CDH13: variants seen among roughly 807,000 people sequenced by gnomAD.
CDH13 encodes the protein cadherin-13.
A neutral mutation model predicts 63.8 loss-of-function variants in CDH13; 24 were observed. The ratio of observed to expected loss-of-function variants is 0.38; its 90% CI spans 0.27 to 0.53. The LOEUF (loss-of-function observed/expected upper bound fraction) is 0.53, where lower values mean the gene tolerates loss of function less well. Ranked by LOEUF, CDH13 falls within the 20% of genes least tolerant of loss-of-function variation. The pLI, the probability that CDH13 is intolerant of heterozygous loss-of-function variation, is 0.85. For synonymous variants in CDH13, 503 were observed against 355.3 expected (o/e 1.42, Z -4.67); for missense variants, 1,049 against 903.1 (o/e 1.16, Z -2.07).
At chr16:83,588,890 G>A (rs565485404) in intron 7 of CDH13, among the ~76,000 whole-genome samples, 1 of 152,346 alleles carries the variant, frequency 6.6e-6, no homozygotes, top group South Asian at 2.1e-4. Context: ...CGTGGAGCCA[G>A]GAGGCTGCTG....
rs143000919 is a variant in CDH13, at chr16:83,399,882, T to A, written c.781+54876T>A. On this transcript the variant is annotated intron_variant, in intron 6 of 13. Coordinates refer to ENST00000567109, the MANE Select transcript of CDH13 (RefSeq NM_001257.5). ...AGAGTGAAGAAACAAAAGGAGGTTG[T>A]ACCCAACTCATTCTAATATGCTCTC... is the stretch of plus-strand genomic sequence containing the variant. Among the ~76,000 whole-genome samples the A allele has an allele frequency of 9.6e-4, 147 of 152,336 alleles. No individual in the cohort carries two copies. In the Middle Eastern group the frequency reaches 0.01, roughly 11 times the overall value.
intron 2 of CDH13, among the ~76,000 whole-genome samples, chr16:82,916,066 G>A (rs928972030): frequency 6.6e-6 from 1 of 152,094 alleles, no homozygotes. Flanking sequence ...ATAAAGAGGA[G>A]GATGTTTAAA....
chr16:82,835,911 C>T (rs2038747217), intron 1 of CDH13, among the ~76,000 whole-genome samples: 1 of 152,166 alleles, frequency 6.6e-6, no homozygotes, highest in Non-Finnish European at 1.5e-5. Context: ...CCAACACCCC[C>T]AGGAGAAAAC....
chr16:82,863,546 C>G (rs1343451081), intron 2 of CDH13, among the ~76,000 whole-genome samples: 1 of 152,206 alleles, frequency 6.6e-6, no homozygotes, highest in Non-Finnish European at 1.5e-5. Context: ...TGAATTATCT[C>G]ATCTCCAAAA....
At chr16:82,640,800 T>C (rs966020419) in intron 1 of CDH13, among the ~76,000 whole-genome samples, 1 of 152,230 alleles carries the variant, frequency 6.6e-6, no homozygotes, top group African/African-American at 2.4e-5. Context: ...ATGCTAATAG[T>C]CAACTATGGA....
At position 82,669,766 on chromosome 16, in the gene CDH13, T is replaced by C. The variant is rs144900103; in HGVS notation, c.45+42629T>C. Among the ~76,000 whole-genome samples, 1,148 of 152,302 alleles carry C rather than the reference T, an allele frequency of 7.5e-3. 39 individuals are homozygous for C. The highest frequency in any genetic ancestry group is 0.062 in the Admixed American group (946 of 15,298). On this transcript the variant is annotated intron_variant, in intron 1 of 13. Transcript: ENST00000567109. ...TGGACGGAACCATTTGCTCCCCAGT[T>C]ATCACCCTCTCCAGTGAGATATACC...
At chr16:83,427,634 A>G (rs1196670916) in intron 6 of CDH13, among the ~76,000 whole-genome samples, 5 of 152,158 alleles carry the variant, frequency 3.3e-5, no homozygotes, top group Non-Finnish European at 7.4e-5. Context: ...CAGCACCACT[A>G]GATAACACAG....
chr16:83,483,422 G>C (rs911814505), intron 6 of CDH13, among the ~76,000 whole-genome samples: 1 of 151,368 alleles, frequency 6.6e-6, no homozygotes, highest in East Asian at 1.9e-4. Flanking sequence ...GATATCCTCA[G>C]TGAATTTCCT....
chr16:83,580,128 C>T (rs892939003), intron 7 of CDH13, among the ~76,000 whole-genome samples: 3 of 152,052 alleles, frequency 2.0e-5, no homozygotes, highest in Non-Finnish European at 4.4e-5. Flanking sequence ...ATGGTGCTGT[C>T]CACAGAGTTT....
chr16:83,645,881 A>G (rs186256516), intron 8 of CDH13, among the ~76,000 whole-genome samples: 316 of 152,338 alleles, frequency 2.1e-3, no homozygotes, highest in African/African-American at 7.3e-3. Context: ...ATACACAAGA[A>G]AAAGGGAGAC....
At chr16:83,193,988 G>A (rs2038801797) in intron 4 of CDH13, among the ~76,000 whole-genome samples, 1 of 152,196 alleles carries the variant, frequency 6.6e-6, no homozygotes, top group South Asian at 2.1e-4. Context: ...TACGAGGAGG[G>A]AAGAGTCCGA....
intron 2 of CDH13, among the ~76,000 whole-genome samples, chr16:82,897,013 C>T (rs1200479766): frequency 1.0e-5 from 1 of 96,992 alleles, no homozygotes; most frequent in Non-Finnish European, 2.4e-5. Context: ...AGTATCCTGA[C>T]CTCGTGATTT....
At chr16:82,730,480 ACGTTAGCCT>A (rs2033342922) in intron 1 of CDH13, among the ~76,000 whole-genome samples, 1 of 152,192 alleles carries the variant, frequency 6.6e-6, no homozygotes, top group African/African-American at 2.4e-5. Flanking sequence ...TTTACCTATT[ACGTTAGCCT>A]TCTTGTATGG....
At chr16:82,973,466 C>T (rs1411104986) in intron 2 of CDH13, among the ~76,000 whole-genome samples, 1 of 152,204 alleles carries the variant, frequency 6.6e-6, no homozygotes, top group African/African-American at 2.4e-5. Context: ...TTTAACAAAA[C>T]ACATATTAGG....
chr16:82,951,503 C>T (rs904945209), intron 2 of CDH13, among the ~76,000 whole-genome samples: 2 of 152,290 alleles, frequency 1.3e-5, no homozygotes, highest in African/African-American at 4.8e-5. Flanking sequence ...GTTGGGTACG[C>T]TGGCTTCATC....
At chr16:82,872,904 A>G (rs2040392489) in intron 2 of CDH13, among the ~76,000 whole-genome samples, 1 of 152,266 alleles carries the variant, frequency 6.6e-6, no homozygotes, top group Non-Finnish European at 1.5e-5. Context: ...CAGATAAAAA[A>G]TGTGCCTCCT....
At chr16:83,718,396 G>A (rs544695585) in intron 10 of CDH13, among the ~76,000 whole-genome samples, 1 of 152,284 alleles carries the variant, frequency 6.6e-6, no homozygotes, top group African/African-American at 2.4e-5. Flanking sequence ...TTATTGCAAA[G>A]CAAAAAGTAT....
chr16:83,400,980 G>A (rs117055916), intron 6 of CDH13, among the ~76,000 whole-genome samples: 14,517 of 152,134 alleles, frequency 0.095, 914 homozygotes, highest in Middle Eastern at 0.16. Context: ...GAGGTGAAGG[G>A]ATCACTTGAG....
chr16:83,219,461 T>C (rs2039632965), intron 5 of CDH13, among the ~76,000 whole-genome samples: 2 of 152,008 alleles, frequency 1.3e-5, no homozygotes, highest in African/African-American at 4.8e-5. Flanking sequence ...TCCTGGAAAA[T>C]GGGAAAAATA....
Sources: allele counts gnomAD v4.1 joint callset (sites outside exome capture counted in the v4.1 genomes callset), GRCh38; gene constraint gnomAD v4.1.1; transcripts MANE v1.5; gene names NCBI Gene and HGNC (gene_info 2026-07-23, HGNC 2026-07-21).